Variants in DSTN observed in about 807,000 individuals in gnomAD.
DSTN encodes the protein destrin.
DSTN carries 10 observed loss-of-function variants against 16.8 expected under a neutral mutation model. The ratio of observed to expected loss-of-function variants is 0.60; its 90% confidence interval spans 0.37 to 1.01. The LOEUF (loss-of-function observed/expected upper bound fraction) is 1.01, where lower values mean the gene tolerates loss of function less well. Ranked by LOEUF, DSTN falls within the 50% of genes least tolerant of loss-of-function variation. The pLI is 0.01. For synonymous variants in DSTN, 57 were observed against 58.9 expected, an observed-to-expected ratio of 0.97 and a Z score of 0.14; for missense variants, 141 against 196.7, an observed-to-expected ratio of 0.72 and a Z score of 1.69.
At chr20:17,587,202 T>TA (rs11477352) in intron 1 of DSTN, among the ~76,000 whole-genome samples, 14,321 of 136,848 alleles carry the variant, frequency 0.1, 1,216 homozygotes, top group African/African-American at 0.24. Context: ...TCTCAAGGAA[T>TA]AAAAAAAAAA....
At chr20:17,602,746 G>A (rs1306009290) in intron 2 of DSTN, among the ~76,000 whole-genome samples, 1 of 152,184 alleles carries the variant, frequency 6.6e-6, no homozygotes, top group Non-Finnish European at 1.5e-5. Flanking sequence ...TACCCACTCT[G>A]CTGGGCGCAG....
intron 1 of DSTN, among the ~76,000 whole-genome samples, chr20:17,574,766 A>G (rs1196580995): frequency 6.6e-6 from 1 of 150,504 alleles, no homozygotes; most frequent in African/African-American, 2.4e-5. Context: ...CTAAAAAACA[A>G]ACATGCAAAA....
At chr20:17,602,904 C>T (rs1349392619) in intron 2 of DSTN, among the ~76,000 whole-genome samples, 1 of 152,194 alleles carries the variant, frequency 6.6e-6, no homozygotes, top group Non-Finnish European at 1.5e-5. Context: ...CCTGCAGTTC[C>T]AGCTACTCGG....
intron 1 of DSTN, among the ~76,000 whole-genome samples, chr20:17,596,200 C>T (rs1031316862): frequency 1.3e-4 from 20 of 151,934 alleles, no homozygotes; most frequent in Admixed American, 7.9e-4. Flanking sequence ...TTCTGATTAC[C>T]TCTTTTTAGT....
At chr20:17,577,403 A>G (rs2035290664) in intron 1 of DSTN, among the ~76,000 whole-genome samples, 1 of 152,152 alleles carries the variant, frequency 6.6e-6, no homozygotes, top group African/African-American at 2.4e-5. Context: ...CCCCATCTCT[A>G]CTAAAAATAC....
intron 1 of DSTN, chr20:17,576,652 G>C (rs2122162891): frequency 6.6e-6 from 1 of 152,346 alleles, no homozygotes; most frequent in South Asian, 2.1e-4. Context: ...TTGAAAGATA[G>C]AAACTTAAGT....
chr20:17,603,729 A>G (rs933014168), intron 2 of DSTN, among the ~76,000 whole-genome samples: 1 of 152,264 alleles, frequency 6.6e-6, no homozygotes, highest in Non-Finnish European at 1.5e-5. Context: ...TGTTATAAAT[A>G]TAAAAAGATA....
chr20:17,602,590 G>T (rs2035598059), intron 2 of DSTN, among the ~76,000 whole-genome samples: 1 of 152,156 alleles, frequency 6.6e-6, no homozygotes, highest in South Asian at 2.1e-4. Flanking sequence ...CTTAAGAAAA[G>T]GTAGAACCTT....
rs549192840 is a variant in DSTN, at chr20:17,581,820, T to C, written c.3+11609T>C. 4.6e-5 allele frequency among the ~76,000 whole-genome samples: 7 copies of C among 152,316 alleles called. 1 individual carries two copies. The highest frequency in any genetic ancestry group is 1.7e-4 in the African/African-American group (7 of 41,582). On this transcript the variant is annotated intron_variant, in intron 1 of 3. Coordinates refer to ENST00000246069, the MANE Select transcript of DSTN (RefSeq NM_006870.4). The stretch of plus-strand genomic sequence containing the variant: ...TTGATTCAAAAGTTTTATAAATCTT[T>C]AAAATACCATAATTTCATAGTTGAT...
intron 1 of DSTN, among the ~76,000 whole-genome samples, chr20:17,572,145 A>G (rs1244975212): frequency 1.3e-5 from 2 of 152,128 alleles, no homozygotes; most frequent in Non-Finnish European, 2.9e-5. Context: ...TTAACTACCG[A>G]TGGGTTTGTT....
intron 1 of DSTN, among the ~76,000 whole-genome samples, chr20:17,591,612 TTAGTGTAAA>T (rs1346472623): frequency 2.0e-5 from 3 of 152,226 alleles, no homozygotes; most frequent in African/African-American, 7.2e-5. Flanking sequence ...CACCTGAAGC[TTAGTGTAAA>T]TACAAACTCT....
intron 1 of DSTN, 137 bp downstream of exon 1, chr20:17,570,348 C>A: frequency 1.6e-6 from 2 of 1,239,430 alleles, no homozygotes; most frequent in Non-Finnish European, 2.1e-6. Context: ...AGTGTCCGGG[C>A]TGCGGGTGAG....
intron 2 of DSTN, among the ~76,000 whole-genome samples, chr20:17,602,118 C>T (rs750836665): frequency 1.3e-5 from 2 of 152,112 alleles, no homozygotes; most frequent in Non-Finnish European, 2.9e-5. Context: ...GAGGTCACAC[C>T]TCACTTGTAT....
chr20:17,600,053 G>T (rs1568739403), intron 1 of DSTN, among the ~76,000 whole-genome samples: 1 of 152,206 alleles, frequency 6.6e-6, no homozygotes, highest in Non-Finnish European at 1.5e-5. Flanking sequence ...CTGTCCTTCA[G>T]CCCAGAATAG....
At chr20:17,577,574 A>T (rs2035292704) in intron 1 of DSTN, among the ~76,000 whole-genome samples, 1 of 152,018 alleles carries the variant, frequency 6.6e-6, no homozygotes, top group Non-Finnish European at 1.5e-5. Flanking sequence ...CTCAAAAAAA[A>T]AAAATCTTTA....
At chr20:17,570,290 AAG>A in intron 1 of DSTN, 79 bp downstream of exon 1, 1 of 1,410,964 alleles carries the variant, frequency 7.1e-7, no homozygotes, top group Non-Finnish European at 9.2e-7. Flanking sequence ...AGTCGGGGCT[AAG>A]GGGGTGAGCC....
intron 1 of DSTN, chr20:17,596,683 T>C: frequency 1.0e-6 from 1 of 985,444 alleles, no homozygotes; most frequent in Non-Finnish European, 1.2e-6. Flanking sequence ...GTATTCAGTG[T>C]TAATTTCCTC....
chr20:17,604,984 T>C, intron 3 of DSTN: 1 of 454,248 alleles, frequency 2.2e-6, no homozygotes. Context: ...TGCTCTTGCC[T>C]TTGAATGTAG....
chr20:17,584,306 A>G (rs1467398558), intron 1 of DSTN, among the ~76,000 whole-genome samples: 1 of 152,188 alleles, frequency 6.6e-6, no homozygotes, highest in African/African-American at 2.4e-5. Context: ...AGAGAGTCCT[A>G]GGTATGAAAT....
Sources: gnomAD v4.1 joint callset for allele counts (sites outside exome capture counted in the v4.1 genomes callset) on GRCh38, gnomAD v4.1.1 for gene constraint, MANE v1.5 for transcripts, NCBI Gene and HGNC (gene_info 2026-07-23, HGNC 2026-07-21) for gene names.